GNB4: variants seen among roughly 807,000 people sequenced by gnomAD.
GNB4 encodes the protein G protein subunit beta 4, also known as guanine nucleotide-binding protein subunit beta-4.
In GNB4, 28 loss-of-function variants were observed where a neutral mutation model predicts 45.2. That is an observed-to-expected ratio of 0.62 (90% CI 0.46 to 0.85). GNB4 has a LOEUF of 0.85. Among genes scored for constraint, GNB4 ranks in the 40% least tolerant of loss-of-function variants. The probability of loss-of-function intolerance (pLI) is 0.00; values close to 1 mark genes in which losing one functional copy is unlikely to be tolerated. For missense variants in GNB4, 321 were observed against 425.4 expected (o/e 0.75, Z 2.16); for synonymous variants, 132 against 143.7 (o/e 0.92, Z 0.58).
rs1160762520 is a variant in GNB4 at position 179,412,147 on chromosome 3, T to G, written c.699+1265A>C. On this transcript the variant is annotated intron_variant, in intron 8 of 9. Coordinates refer to ENST00000232564, the MANE Select transcript of GNB4 (RefSeq NM_021629.4). ...TATTTATGGTTTTCTGTTTAGGTAG[T>G]TTTTTTAAATACGAAGTAGCTTATA... Among the ~76,000 whole-genome samples, 3 of 147,752 alleles carry G rather than the reference T, an allele frequency of 2.0e-5. No individual in the cohort carries two copies. In the East Asian group the frequency reaches 5.8e-4, roughly 29 times the overall value.
chr3:179,435,603 G>C (rs1014690991), intron 1 of GNB4, among the ~76,000 whole-genome samples: 3 of 152,060 alleles, frequency 2.0e-5, no homozygotes, highest in Non-Finnish European at 4.4e-5. Context: ...CATCGCTAAG[G>C]CAATTTTAAA....
chr3:179,510,324 G>C, the GNB4 span, among the ~76,000 whole-genome samples: 1 of 152,152 alleles, frequency 6.6e-6, no homozygotes, highest in Non-Finnish European at 1.5e-5. Flanking sequence ...TGTAGGATCA[G>C]TCCCTCTGCT....
chr3:179,422,364 T>C (rs1366427362), intron 2 of GNB4, among the ~76,000 whole-genome samples: 1 of 151,872 alleles, frequency 6.6e-6, no homozygotes, highest in Non-Finnish European at 1.5e-5. Flanking sequence ...TGATGGCTCA[T>C]GCCTATAATC....
intron 1 of GNB4, chr3:179,451,083 G>A (rs544747993): frequency 2.0e-5 from 3 of 152,252 alleles, no homozygotes; most frequent in Admixed American, 6.5e-5. Flanking sequence ...CGGGGCGAGC[G>A]GTCTGGACCG....
the GNB4 span, among the ~76,000 whole-genome samples, chr3:179,498,770 CTCTT>C: frequency 0.098 from 12,738 of 129,982 alleles, 938 homozygotes; most frequent in Middle Eastern, 0.21. Context: ...TTTTTTTTGC[CTCTT>C]TCTTTATTAT....
chr3:179,465,791 A>C, the GNB4 span, among the ~76,000 whole-genome samples: 3 of 119,502 alleles, frequency 2.5e-5, no homozygotes, highest in East Asian at 6.9e-4. Flanking sequence ...TAAATAGATA[A>C]TTTTTTTCTT....
At position 179,400,354 on chromosome 3, in the gene GNB4, T is replaced by A. The variant is rs970141627; in HGVS notation, c.*859A>T. On this transcript the variant is annotated 3_prime_UTR_variant, in exon 10 of 10. Transcript: ENST00000232564. ...TGTTCAGATGCAGGGACAATCCCAA[T>A]GTTTACCAAACTTCTGAAAGATGAG... 6.6e-6 allele frequency: 1 copy of A among 152,348 alleles called. No homozygotes were observed. Among genetic ancestry groups the A allele is most frequent in the East Asian group, 1.9e-4 (1 of 5,186 alleles). 9.4% of individuals were successfully genotyped at this position (152,348 alleles called of 1,614,324 possible).
chr3:179,443,955 T>C (rs994374628), intron 1 of GNB4, among the ~76,000 whole-genome samples: 1 of 152,224 alleles, frequency 6.6e-6, no homozygotes, highest in Non-Finnish European at 1.5e-5. Flanking sequence ...CATTTAGTTT[T>C]GTTCTACTGC....
chr3:179,465,052 C>G, the GNB4 span: 3 of 1,496,326 alleles, frequency 2.0e-6, no homozygotes, highest in Non-Finnish European at 2.8e-6. Flanking sequence ...GATATACTTC[C>G]AAAGAGCAGT....
At chr3:179,445,266 G>A (rs867694352) in intron 1 of GNB4, among the ~76,000 whole-genome samples, 5 of 152,004 alleles carry the variant, frequency 3.3e-5, no homozygotes, top group African/African-American at 9.7e-5. Flanking sequence ...CCTCTAAAAA[G>A]AGTACTTTAT....
chr3:179,526,501 A>C, the GNB4 span, among the ~76,000 whole-genome samples: 7 of 152,230 alleles, frequency 4.6e-5, no homozygotes, highest in Non-Finnish European at 1.0e-4. Context: ...ATCCCTCAGA[A>C]GATTCTGATG....
chr3:179,525,074 T>C, the GNB4 span, among the ~76,000 whole-genome samples: 1 of 150,446 alleles, frequency 6.6e-6, no homozygotes, highest in Non-Finnish European at 1.5e-5. Context: ...GATGCAGACT[T>C]AAGGAACAGA....
intron 1 of GNB4, among the ~76,000 whole-genome samples, chr3:179,429,244 C>G (rs1285873129): frequency 6.6e-6 from 1 of 152,188 alleles, no homozygotes; most frequent in Non-Finnish European, 1.5e-5. Context: ...AGGGGTAAAA[C>G]CCCCAAGCTC....
chr3:179,464,811 G>C, the GNB4 span: 1 of 1,350,218 alleles, frequency 7.4e-7, no homozygotes, highest in Non-Finnish European at 1.1e-6. Flanking sequence ...GATGCTGATG[G>C]CTTTCATGTA....
chr3:179,435,155 A>ACC (rs1715410546), intron 1 of GNB4, among the ~76,000 whole-genome samples: 1 of 152,178 alleles, frequency 6.6e-6, no homozygotes, highest in Non-Finnish European at 1.5e-5. Context: ...TGACTCTGAA[A>ACC]CCCAGGCTGT....
intron 1 of GNB4, among the ~76,000 whole-genome samples, chr3:179,443,592 CCA>C (rs1715647886): frequency 6.6e-6 from 1 of 152,108 alleles, no homozygotes; most frequent in Non-Finnish European, 1.5e-5. Flanking sequence ...AATACAGCAT[CCA>C]GTGTCTTTCA....
chr3:179,516,309 G>T, the GNB4 span, among the ~76,000 whole-genome samples: 1 of 152,192 alleles, frequency 6.6e-6, no homozygotes, highest in African/African-American at 2.4e-5. Context: ...TACAGAGGTG[G>T]GAAGGCCAAA....
At chr3:179,465,832 T>C in the GNB4 span, among the ~76,000 whole-genome samples, 3 of 149,692 alleles carry the variant, frequency 2.0e-5, no homozygotes, top group Non-Finnish European at 4.5e-5. Flanking sequence ...TCTTTTTTTT[T>C]TTTTTGTAGA....
chr3:179,509,204 T>C, the GNB4 span, among the ~76,000 whole-genome samples: 12 of 143,608 alleles, frequency 8.4e-5, no homozygotes, highest in South Asian at 6.8e-4. Context: ...CACACACACA[T>C]ATACGGCACC....
Sources: gnomAD v4.1 joint callset for allele counts (sites outside exome capture counted in the v4.1 genomes callset) on GRCh38, gnomAD v4.1.1 for gene constraint, MANE v1.5 for transcripts, NCBI Gene and HGNC (gene_info 2026-07-23, HGNC 2026-07-21) for gene names.